Variants in MAGI2 observed in about 807,000 individuals in gnomAD.
The protein encoded by MAGI2 is membrane associated guanylate kinase, WW and PDZ domain containing 2.
A neutral mutation model predicts 133.3 loss-of-function variants in MAGI2; 35 were observed. The ratio of observed to expected loss-of-function variants is 0.26; its 90% CI spans 0.20 to 0.35. MAGI2 has a LOEUF of 0.35. Among genes scored for constraint, MAGI2 ranks in the 10% least tolerant of loss-of-function variants. MAGI2 has a pLI of 1.00. For synonymous variants in MAGI2, 729 were observed against 710.6 expected (o/e 1.03, Z -0.41); for missense variants, 1,636 against 1,863.4 (o/e 0.88, Z 2.25).
At chr7:78,718,986 T>C (rs150053924) in intron 2 of MAGI2, among the ~76,000 whole-genome samples, 4 of 152,342 alleles carry the variant, frequency 2.6e-5, no homozygotes, top group African/African-American at 9.6e-5. Context: ...AAGTGTAGAC[T>C]AACAATACAA....
intron 3 of MAGI2, among the ~76,000 whole-genome samples, chr7:78,573,405 G>T (rs867428435): frequency 3.4e-4 from 10 of 29,818 alleles, no homozygotes; most frequent in Admixed American, 9.2e-4. Flanking sequence ...TATATATATA[G>T]GCTGCCACTG....
At chr7:78,956,651 A>C (rs73703737) in intron 2 of MAGI2, among the ~76,000 whole-genome samples, 1 of 152,282 alleles carries the variant, frequency 6.6e-6, no homozygotes, top group South Asian at 2.1e-4. Flanking sequence ...TGTGTCACAC[A>C]TGGAGATGAA....
chr7:79,362,757 CAATTAGGAATAGAGGGG>C (rs1184937482), intron 1 of MAGI2, among the ~76,000 whole-genome samples: 6 of 151,880 alleles, frequency 4.0e-5, no homozygotes, highest in Non-Finnish European at 5.9e-5. Context: ...AACTCTCAAC[CAATTAGGAATAGAGGGG>C]AATTAGGAAT....
chr7:78,194,700 G>A (rs923559704), intron 12 of MAGI2, among the ~76,000 whole-genome samples, 174 bp downstream of exon 12: 13 of 152,084 alleles, frequency 8.5e-5, no homozygotes, highest in Non-Finnish European at 1.3e-4. Context: ...ATAATAAACC[G>A]ACTTTTAGAG....
Position 78,036,164 on chromosome 7 carries a change from T to A in MAGI2, c.3707-16188A>T, listed in dbSNP as rs1584903913. Among the ~76,000 whole-genome samples the A allele has an allele frequency of 2.6e-5, 4 of 152,306 alleles. No homozygotes were observed. In the South Asian group the frequency reaches 8.3e-4, roughly 32 times the overall value. On this transcript the variant is annotated intron_variant, in intron 21 of 21. Transcript: ENST00000354212. The stretch of plus-strand genomic sequence containing the variant: ...CACTTCAGTAGCTGACTTTGTTATG[T>A]CAGCATCGACAAATGCCAGGGATAG...
At chr7:79,197,323 C>T (rs564193960) in intron 1 of MAGI2, among the ~76,000 whole-genome samples, 3 of 151,962 alleles carry the variant, frequency 2.0e-5, no homozygotes, top group South Asian at 4.1e-4. Flanking sequence ...ATAAAAAACC[C>T]GTGAAATGAG....
intron 6 of MAGI2, among the ~76,000 whole-genome samples, chr7:78,372,417 G>A (rs1263406973): frequency 6.6e-6 from 1 of 152,044 alleles, no homozygotes; most frequent in Non-Finnish European, 1.5e-5. Context: ...TTCCAACATC[G>A]CACTATTTGT....
rs373012539 is a variant in MAGI2, at chr7:78,061,848, G to A, written c.3706+17099C>T. 6.6e-5 allele frequency among the ~76,000 whole-genome samples: 10 copies of A among 152,316 alleles called. No individual in the cohort carries two copies. In the South Asian group the frequency reaches 1.0e-3, roughly 16 times the overall value. On this transcript the variant is annotated intron_variant, in intron 21 of 21. Transcript: ENST00000354212. ...TGACCAACAGTGTTAGTTGTTACAGGGGCTGACGGGTTGAATCCGTCATTA... is the reference window on the plus strand; with the variant it reads ...TGACCAACAGTGTTAGTTGTTACAGAGGCTGACGGGTTGAATCCGTCATTA...
At chr7:78,955,939 G>A (rs547284061) in intron 2 of MAGI2, among the ~76,000 whole-genome samples, 1 of 151,824 alleles carries the variant, frequency 6.6e-6, no homozygotes, top group African/African-American at 2.4e-5. Flanking sequence ...ACCCAAAGAT[G>A]CCTTTTTTTT....
chr7:79,115,873 T>A (rs903545621), intron 1 of MAGI2, among the ~76,000 whole-genome samples: 21 of 149,958 alleles, frequency 1.4e-4, no homozygotes, highest in African/African-American at 4.6e-4. Flanking sequence ...TTTTTTTTTT[T>A]TTTTTTTTTA....
At chr7:78,491,557 T>C (rs1333897268) in intron 5 of MAGI2, among the ~76,000 whole-genome samples, 1 of 152,098 alleles carries the variant, frequency 6.6e-6, no homozygotes, top group Non-Finnish European at 1.5e-5. Flanking sequence ...GTGAATTTGA[T>C]CAAATAATAA....
intron 1 of MAGI2, among the ~76,000 whole-genome samples, chr7:79,429,910 G>A (rs1308284280): frequency 2.0e-5 from 3 of 151,874 alleles, no homozygotes; most frequent in African/African-American, 7.3e-5. Flanking sequence ...TTTTATAATA[G>A]GAGTTATAAC....
intron 20 of MAGI2, among the ~76,000 whole-genome samples, chr7:78,125,388 T>C (rs1820880624): frequency 6.6e-6 from 1 of 152,226 alleles, no homozygotes; most frequent in Non-Finnish European, 1.5e-5. Context: ...CATCAAACCA[T>C]AGAAAGAATT....
chr7:79,282,447 TGTTG>T (rs1173011660), intron 1 of MAGI2, among the ~76,000 whole-genome samples: 1 of 152,162 alleles, frequency 6.6e-6, no homozygotes, highest in Non-Finnish European at 1.5e-5. Context: ...GATTTTATAC[TGTTG>T]TTTTTGTTGT....
chr7:78,565,295 C>A lies in MAGI2; in HGVS notation c.539-43650G>T, dbSNP rs541372623. On this transcript the variant is annotated intron_variant, in intron 3 of 21. Coordinates refer to ENST00000354212, the MANE Select transcript of MAGI2 (RefSeq NM_012301.4). Reference sequence around the variant, plus strand: ...TGGGCAAAATAGCGAGACCCTGTGTCAAAAAAAATTTTTTTAAAAATTAGT... The same window carrying A: ...TGGGCAAAATAGCGAGACCCTGTGTAAAAAAAAATTTTTTTAAAAATTAGT... Among the ~76,000 whole-genome samples, 24 of 151,374 alleles carry A rather than the reference C, an allele frequency of 1.6e-4. 1 individual carries two copies. The East Asian group carries it at 4.1e-3, about 26-fold the overall frequency.
chr7:79,082,929 T>C (rs1816170635), intron 1 of MAGI2, among the ~76,000 whole-genome samples: 2 of 151,858 alleles, frequency 1.3e-5, no homozygotes, highest in Non-Finnish European at 1.5e-5. Flanking sequence ...TTTACTCAAG[T>C]ATTTTTACCT....
intron 1 of MAGI2, among the ~76,000 whole-genome samples, chr7:79,338,022 G>A (rs151104772): frequency 1.6e-3 from 248 of 152,168 alleles, no homozygotes; most frequent in African/African-American, 5.8e-3. Flanking sequence ...TTGTGATAGC[G>A]TCTACCTGCA....
rs576239904 is a variant in MAGI2 at position 78,959,082 on chromosome 7, C to A, written c.418+48008G>T. 1.8e-3 allele frequency among the ~76,000 whole-genome samples: 277 copies of A among 152,182 alleles called. 1 individual carries two copies. The highest frequency in any genetic ancestry group is 6.4e-3 in the African/African-American group (266 of 41,536). On this transcript the variant is annotated intron_variant, in intron 2 of 21. Coordinates refer to ENST00000354212, the MANE Select transcript of MAGI2 (RefSeq NM_012301.4). ...GTAAGATCTTTTCAATATGTCCATG[C>A]ACAACTGGAATCCTCTTTTTTATTT... is the stretch of plus-strand genomic sequence containing the variant.
At chr7:78,506,124 T>C (rs1027286623) in intron 4 of MAGI2, among the ~76,000 whole-genome samples, 8 of 152,186 alleles carry the variant, frequency 5.3e-5, no homozygotes, top group African/African-American at 1.9e-4. Flanking sequence ...TAGATGTTTA[T>C]AGAGCAGTGG....
Sources: gnomAD v4.1 joint callset for allele counts (sites outside exome capture counted in the v4.1 genomes callset) on GRCh38, gnomAD v4.1.1 for gene constraint, MANE v1.5 for transcripts, NCBI Gene and HGNC (gene_info 2026-07-23, HGNC 2026-07-21) for gene names.